SRCIN1: variants seen among roughly 807,000 people sequenced by gnomAD.
The protein encoded by SRCIN1 is P130Cas-associated protein.
Under a neutral mutation model 116.2 loss-of-function variants are expected in SRCIN1, and 50 were observed. The observed-to-expected ratio is 0.43, with a 90% CI of 0.34 to 0.54. The LOEUF (loss-of-function observed/expected upper bound fraction) is 0.54, where lower values mean the gene tolerates loss of function less well. Among genes scored for constraint, SRCIN1 ranks in the 20% least tolerant of loss-of-function variants. The pLI, the probability that SRCIN1 is intolerant of heterozygous loss-of-function variation, is 0.02. For synonymous variants in SRCIN1, 736 were observed against 750.0 expected, an observed-to-expected ratio of 0.98 and a Z score of 0.30; for missense variants, 1,446 against 1,672.0, an observed-to-expected ratio of 0.86 and a Z score of 2.36.
In SRCIN1 at chr17:38,558,486, G is replaced by T; in HGVS notation, c.2026-84C>A. On this transcript the variant is annotated intron_variant, in intron 10 of 18. Coordinates refer to ENST00000617146, the MANE Select transcript of SRCIN1 (RefSeq NM_025248.3). The surrounding 1 kb of genome is among the most constrained non-coding windows in gnomAD (Gnocchi z 4.6). ...AAGGGCCGGGAGAAGGCGGGTAGAG[G>T]ACTGCCCAATCCAGGGCGGGGCTCT... 1 of 1,470,254 alleles carries T rather than the reference G, an allele frequency of 6.8e-7. No homozygotes were observed. The allele number at this position is 1,470,254 out of a possible 1,614,324, so 91.1% of individuals were successfully genotyped here. A position where few individuals can be genotyped will look rare whatever the true frequency, so the allele number is the denominator to read the frequency against.
At chr17:38,550,242 C>T (rs1373245558) in intron 15 of SRCIN1, among the ~76,000 whole-genome samples, 3 of 152,188 alleles carry the variant, frequency 2.0e-5, no homozygotes, top group Admixed American at 1.3e-4. Context: ...AGTCTGTAAT[C>T]CCAGCACTTT....
Position 38,549,167 on chromosome 17 carries a change from C to T in SRCIN1, c.3006G>A (p.Lys1002=), listed in dbSNP as rs1416472208. 1.3e-6 allele frequency: 2 copies of T among 1,581,688 alleles called. No homozygotes were observed. Among genetic ancestry groups the T allele is most frequent in the African/African-American group, 2.7e-5 (2 of 74,354 alleles). The change falls in exon 16 of 19, where the codon AAG becomes AAA. Residue 1002 remains lysine, a synonymous_variant. Transcript: ENST00000617146. Reference sequence around the variant, plus strand: ...GGCGGGGAGGGGGCGGTGGGGGCGACTTGGAGGGCTTCTCTGTGCGGTATC... The same window carrying T: ...GGCGGGGAGGGGGCGGTGGGGGCGATTTGGAGGGCTTCTCTGTGCGGTATC... The part of the protein sequence containing the change: ...VPRYRTEKPS[K]SPPPPPPRRS...
intron 16 of SRCIN1, 126 bp from the exon 17 acceptor site, chr17:38,548,835 A>G: frequency 7.4e-7 from 1 of 1,342,612 alleles, no homozygotes. Flanking sequence ...CACCCCTGCC[A>G]GGGTGTCCCT....
rs982047179 is a variant in SRCIN1 at position 38,563,153 on chromosome 17, G to A, written c.740+170C>T. 3.9e-4 allele frequency among the ~76,000 whole-genome samples: 60 copies of A among 152,194 alleles called. No homozygotes were observed. The highest frequency in any genetic ancestry group is 1.4e-3 in the African/African-American group (60 of 41,452). On this transcript the variant is annotated intron_variant, in intron 5 of 18. Coordinates refer to ENST00000617146, the MANE Select transcript of SRCIN1 (RefSeq NM_025248.3). This position sits in a 1 kb window ranked among gnomAD's most constrained non-coding sequence, Gnocchi z 5.8. ...CCAGCAGGGGTGGACGATTTAGGGG[G>A]TGGGGGCTGAGATGGCCGAGGAAGG...
intron 18 of SRCIN1, among the ~76,000 whole-genome samples, chr17:38,540,738 G>C (rs1308392915): frequency 7.2e-6 from 1 of 139,796 alleles, no homozygotes; most frequent in Admixed American, 6.8e-5. Context: ...TAAGCTGGCA[G>C]GGGTGTGTGT....
chr17:38,599,097 C>T (rs1394410077), intron 1 of SRCIN1, among the ~76,000 whole-genome samples: 1 of 152,044 alleles, frequency 6.6e-6, no homozygotes, highest in African/African-American at 2.4e-5. Flanking sequence ...ACAGTCTTCC[C>T]ACCCTCCATG....
At chr17:38,564,898 A>G (rs1485414735) in intron 3 of SRCIN1, among the ~76,000 whole-genome samples, 1 of 152,162 alleles carries the variant, frequency 6.6e-6, no homozygotes, top group Non-Finnish European at 1.5e-5. Context: ...AACTATCCCG[A>G]ACTCCTCAAA....
chr17:38,573,329 T>C (rs1907216558), intron 2 of SRCIN1, among the ~76,000 whole-genome samples: 2 of 152,200 alleles, frequency 1.3e-5, no homozygotes, highest in African/African-American at 4.8e-5. Flanking sequence ...GTTTCCTAGA[T>C]GGCCTCTCAT....
Position 38,563,549 on chromosome 17 carries a change from C to T in SRCIN1, c.542-28G>A, listed in dbSNP as rs1215861697. 6.5e-7 allele frequency: 1 copy of T among 1,542,396 alleles called. No individual in the cohort carries two copies. The highest frequency in any genetic ancestry group is 8.7e-7 in the Non-Finnish European group (1 of 1,146,870). On this transcript the variant is annotated intron_variant, in intron 4 of 18. Coordinates refer to ENST00000617146, the MANE Select transcript of SRCIN1 (RefSeq NM_025248.3). The surrounding 1 kb of genome is among the most constrained non-coding windows in gnomAD (Gnocchi z 5.8). ...GCGAAGGAGACGCCGCCCTCGCTGT[C>T]ACTGCTGCCGTCTCCACGCCGCCCT...
At chr17:38,533,490 C>T in intron 18 of SRCIN1, 59 bp from the exon 19 acceptor site, 4 of 1,487,610 alleles carry the variant, frequency 2.7e-6, no homozygotes, top group Non-Finnish European at 3.6e-6. Flanking sequence ...CCATGCTGGC[C>T]CCCAGCTGAA....
At chr17:38,555,397 G>A (rs571668090) in intron 11 of SRCIN1, among the ~76,000 whole-genome samples, 1 of 152,208 alleles carries the variant, frequency 6.6e-6, no homozygotes, top group Admixed American at 6.5e-5. Flanking sequence ...TGTTGAAGAC[G>A]GCAGAACCTC....
chr17:38,592,014 T>A (rs537554869), intron 1 of SRCIN1, among the ~76,000 whole-genome samples: 1 of 152,304 alleles, frequency 6.6e-6, no homozygotes, highest in East Asian at 1.9e-4. Flanking sequence ...CATGATAATA[T>A]CTGAGGCATA....
In SRCIN1 at chr17:38,561,454, G is replaced by A. The variant is rs1242124253; in HGVS notation, c.1700+9C>T. 6.4e-7 allele frequency: 1 copy of A among 1,555,228 alleles called. No homozygotes were observed. Among genetic ancestry groups the A allele is most frequent in the Admixed American group, 1.8e-5 (1 of 54,274 alleles). On this transcript the variant is annotated intron_variant, in intron 7 of 18. Transcript: ENST00000617146. ...CCCCAGTCCCTGAGGCCTGGTTAAC[G>A]TCCCTCACCTGGTCTCCGTGTCCTT...
intron 1 of SRCIN1, among the ~76,000 whole-genome samples, chr17:38,600,898 C>T (rs1481883585): frequency 2.0e-5 from 3 of 152,274 alleles, no homozygotes; most frequent in Non-Finnish European, 4.4e-5. Context: ...CTCACCTCCC[C>T]AGGGAATGCT....
chr17:38,564,223 T>A lies in SRCIN1; in HGVS notation c.436A>T (p.Thr146Ser). 6.3e-7 allele frequency: 1 copy of A among 1,582,680 alleles called. No individual in the cohort carries two copies. Residue 146 changes from threonine to serine, a missense_variant, in exon 4 of 19, where the codon ACC (threonine) becomes TCC (serine). This residue lies in a region of SRCIN1 where 246 missense variants were observed against 265.1 expected (regional missense o/e 0.93). Transcript: ENST00000617146. The part of the protein sequence containing the change: ...LSYASAESLE[T>S]MSEAELPLGF... The stretch of plus-strand genomic sequence containing the variant: ...AGGGGCAGCTCGGCCTCCGACATGG[T>A]CTCCAGCGACTCGGCGGAGGCGTAG...
At chr17:38,589,871 C>G (rs940363850) in intron 1 of SRCIN1, among the ~76,000 whole-genome samples, 1 of 152,130 alleles carries the variant, frequency 6.6e-6, no homozygotes, top group Admixed American at 6.5e-5. Flanking sequence ...GTTAGTATCC[C>G]GAGAGACTCT....
intron 2 of SRCIN1, among the ~76,000 whole-genome samples, chr17:38,569,334 AG>A (rs1325667374): frequency 1.3e-5 from 2 of 152,234 alleles, no homozygotes; most frequent in Non-Finnish European, 2.9e-5. Flanking sequence ...AGGGAGACAG[AG>A]GCAGCAGATG....
At chr17:38,605,104 G>T (rs1909288300) in intron 1 of SRCIN1, among the ~76,000 whole-genome samples, 1 of 151,922 alleles carries the variant, frequency 6.6e-6, no homozygotes, top group African/African-American at 2.4e-5. Flanking sequence ...TTGTATCCTG[G>T]CAACGCGGCC....
chr17:38,562,223 ACGGCAGCCCGGG>A lies in SRCIN1; in HGVS notation c.928_939del (p.Pro310_Pro313del). On this transcript the variant is annotated inframe_deletion, in exon 7 of 19. Transcript: ENST00000617146. The surrounding 1 kb of genome is among the most constrained non-coding windows in gnomAD (Gnocchi z 4.2). ...GACTGCAGCCCGGACGGCAGCCCCGACGGCAGCCCGGGCGGCGGCGAGCCGGATGCCAGGTGC... is the reference window on the plus strand; with the variant it reads ...GACTGCAGCCCGGACGGCAGCCCCGACGGCGGCGAGCCGGATGCCAGGTGC... 2 of 1,443,352 alleles carry A rather than the reference ACGGCAGCCCGGG, an allele frequency of 1.4e-6. No individual in the cohort carries two copies. The highest frequency in any genetic ancestry group is 1.8e-6 in the Non-Finnish European group (2 of 1,108,142). The allele number at this position is 1,443,352 out of a possible 1,614,324, so 89.4% of individuals were successfully genotyped here.
Sources: allele counts gnomAD v4.1 joint callset (sites outside exome capture counted in the v4.1 genomes callset), GRCh38; gene constraint gnomAD v4.1.1; regional missense constraint gnomAD v4.1.1; non-coding constraint Gnocchi (gnomAD v3.1); transcripts MANE v1.5; gene names NCBI Gene and HGNC (gene_info 2026-07-23, HGNC 2026-07-21).